STAB2: variants seen among roughly 807,000 people sequenced by gnomAD.
STAB2 encodes stabilin-2.
In STAB2, 288 loss-of-function variants were observed where a neutral mutation model predicts 338.1. The observed-to-expected ratio is 0.85, with a 90% CI of 0.77 to 0.94. STAB2 has a LOEUF of 0.94. Ranked by LOEUF, STAB2 falls within the 40% of genes least tolerant of loss-of-function variation. The pLI is 0.00. For missense variants in STAB2, 3,141 were observed against 3,210.1 expected (o/e 0.98, Z 0.52); for synonymous variants, 1,202 against 1,193.3 (o/e 1.01, Z -0.15).
chr12:103,710,165 C>G (rs780061292), intron 39 of STAB2, among the ~76,000 whole-genome samples: 13 of 152,142 alleles, frequency 8.5e-5, no homozygotes, highest in Non-Finnish European at 1.6e-4. Flanking sequence ...CCCAGCTCCT[C>G]CCCAGAACTT....
chr12:103,728,441 C>T (rs1241029861), intron 47 of STAB2, among the ~76,000 whole-genome samples: 3 of 152,184 alleles, frequency 2.0e-5, no homozygotes, highest in African/African-American at 7.2e-5. Context: ...AATGGAGATA[C>T]GTCATGATCT....
At chr12:103,735,386 G>T in intron 51 of STAB2, 105 bp from the exon 52 acceptor site, 1 of 626,410 alleles carries the variant, frequency 1.6e-6, no homozygotes. Context: ...ATTATAACTC[G>T]TGGAAAAATT....
At chr12:103,617,885 A>C (rs1241114633) in intron 3 of STAB2, among the ~76,000 whole-genome samples, 2 of 152,230 alleles carry the variant, frequency 1.3e-5, no homozygotes, top group Non-Finnish European at 2.9e-5. Flanking sequence ...GAAATACCAC[A>C]GATCAAAATG....
At chr12:103,709,186 G>A (rs138667706) in intron 39 of STAB2, among the ~76,000 whole-genome samples, 1 of 152,240 alleles carries the variant, frequency 6.6e-6, no homozygotes, top group Non-Finnish European at 1.5e-5. Flanking sequence ...TCAGGTGAGG[G>A]CGGTCAAAGA....
chr12:103,685,137 C>A, intron 27 of STAB2, 53 bp downstream of exon 27: 2 of 1,535,082 alleles, frequency 1.3e-6, no homozygotes, highest in Admixed American at 3.4e-5. Context: ...TTAAAAACCT[C>A]TTAGCTAAGA....
chr12:103,746,667 T>C lies in STAB2; in HGVS notation c.6207T>C (p.Cys2069=), dbSNP rs1474722035. 1.2e-6 allele frequency: 2 copies of C among 1,613,956 alleles called. No individual in the cohort carries two copies. Among genetic ancestry groups the C allele is most frequent in the African/African-American group, 2.7e-5 (2 of 74,934 alleles). The change falls in exon 58 of 69, where the codon TGT becomes TGC. Residue 2069 remains cysteine, a synonymous_variant. Coordinates refer to ENST00000388887, the MANE Select transcript of STAB2 (RefSeq NM_017564.10). ...ATCKENNTCE[C]NLDYEGDGIT... ...GTAAGGAGAACAACACGTGTGAGTG[T>C]AACCTGGATTATGAAGGTGACGGAA...
At chr12:103,762,836 C>G (rs1042706469) in intron 67 of STAB2, among the ~76,000 whole-genome samples, 1 of 152,246 alleles carries the variant, frequency 6.6e-6, no homozygotes, top group Admixed American at 6.5e-5. Flanking sequence ...TATGCTGCAG[C>G]CAGTGACACT....
At chr12:103,639,158 G>A (rs985231711) in intron 8 of STAB2, among the ~76,000 whole-genome samples, 4 of 152,108 alleles carry the variant, frequency 2.6e-5, no homozygotes, top group East Asian at 1.9e-4. Flanking sequence ...TCAAGACCTC[G>A]CATGTGAGAT....
intron 28 of STAB2, 52 bp from the exon 29 acceptor site, chr12:103,689,794 C>T: frequency 1.9e-6 from 3 of 1,590,578 alleles, no homozygotes; most frequent in Non-Finnish European, 2.6e-6. Context: ...TAAGGCAGCT[C>T]TGTTTGTCCC....
At chr12:103,692,946 G>A (rs1037960195) in intron 31 of STAB2, 57 bp downstream of exon 31, 81 of 1,444,690 alleles carry the variant, frequency 5.6e-5, no homozygotes, top group Middle Eastern at 3.5e-4. Context: ...GTTGTTTATC[G>A]TCCTATACAG....
At chr12:103,746,495 G>T (rs1272658479) in intron 57 of STAB2, 102 bp from the exon 58 acceptor site, 9 of 1,068,380 alleles carry the variant, frequency 8.4e-6, no homozygotes, top group Non-Finnish European at 1.3e-5. Flanking sequence ...GGGCACTTAT[G>T]AACACAGTGG....
chr12:103,763,274 T>G, intron 67 of STAB2: 1 of 562,912 alleles, frequency 1.8e-6, no homozygotes. Flanking sequence ...ATGTGCCGAT[T>G]TGGTGGTGAT....
rs148601762 is a variant in STAB2, at chr12:103,727,269, G to A, written c.4854G>A (p.Glu1618=). Residue 1618 remains glutamate, a splice_region_variant and synonymous_variant, in exon 47 of 69, where the codon GAG becomes GAA. Transcript: ENST00000388887. The part of the protein sequence containing the change: ...KTSQYFFQLQ[E]HFVKDLVGPG... Reference sequence around the variant, plus strand: ...GAGCCTCACCTTTCTTCCCACAGGAGCATTTCGTGAAAGATCTGGTCGGCC... The same window carrying A: ...GAGCCTCACCTTTCTTCCCACAGGAACATTTCGTGAAAGATCTGGTCGGCC... 4.8e-5 allele frequency: 77 copies of A among 1,614,220 alleles called. No homozygotes were observed. The African/African-American group carries it at 9.1e-4, about 19-fold the overall frequency.
At chr12:103,680,762 A>T (rs1190200909) in intron 25 of STAB2, among the ~76,000 whole-genome samples, 3 of 152,246 alleles carry the variant, frequency 2.0e-5, no homozygotes. Context: ...TATCATGTGG[A>T]CTAGGAGAGG....
At chr12:103,716,530 C>A (rs1419471557) in intron 43 of STAB2, among the ~76,000 whole-genome samples, 1 of 152,140 alleles carries the variant, frequency 6.6e-6, no homozygotes, top group African/African-American at 2.4e-5. Context: ...AGTGAAGTCA[C>A]CAGTGAATGC....
intron 58 of STAB2, among the ~76,000 whole-genome samples, chr12:103,747,307 T>G (rs574739172): frequency 1.3e-5 from 2 of 152,240 alleles, no homozygotes; most frequent in Non-Finnish European, 2.9e-5. Context: ...GAGGCCCAAA[T>G]GAACAGTGGC....
intron 39 of STAB2, 35 bp downstream of exon 39, chr12:103,708,571 C>T: frequency 6.3e-7 from 1 of 1,588,658 alleles, no homozygotes; most frequent in Non-Finnish European, 8.6e-7. Flanking sequence ...ATAATCTGCT[C>T]TAAGCTTTGC....
At chr12:103,747,811 A>G (rs1267766576) in intron 58 of STAB2, among the ~76,000 whole-genome samples, 2 of 152,116 alleles carry the variant, frequency 1.3e-5, no homozygotes, top group Non-Finnish European at 2.9e-5. Flanking sequence ...CCTGGCCAAC[A>G]TGGTGAAACC....
intron 17 of STAB2, among the ~76,000 whole-genome samples, chr12:103,662,005 C>A (rs576765782): frequency 4.3e-4 from 65 of 152,080 alleles, no homozygotes; most frequent in African/African-American, 1.5e-3. Flanking sequence ...ATGACATGAT[C>A]GGGCATACAT....
Sources: gnomAD v4.1 joint callset for allele counts (sites outside exome capture counted in the v4.1 genomes callset) on GRCh38, gnomAD v4.1.1 for gene constraint, MANE v1.5 for transcripts, NCBI Gene and HGNC (gene_info 2026-07-23, HGNC 2026-07-21) for gene names.